Variants in TTL observed in about 807,000 individuals in gnomAD.
TTL encodes tubulin tyrosine ligase.
Under a neutral mutation model 41.1 loss-of-function variants are expected in TTL, and 10 were observed. The ratio of observed to expected loss-of-function variants is 0.24; its 90% CI spans 0.15 to 0.41. The LOEUF (loss-of-function observed/expected upper bound fraction) is 0.41. Among genes scored for constraint, TTL ranks in the 10% least tolerant of loss-of-function variants. TTL has a pLI of 1.00. For synonymous variants in TTL, 175 were observed against 175.5 expected (o/e 1.00, Z 0.02); for missense variants, 367 against 460.4 (o/e 0.80, Z 1.86).
At chr2:112,511,947 T>A (rs565551036) in intron 5 of TTL, among the ~76,000 whole-genome samples, 1 of 152,214 alleles carries the variant, frequency 6.6e-6, no homozygotes, top group African/African-American at 2.4e-5. Flanking sequence ...ATGGTATGTC[T>A]CCATGTTTGG....
intron 5 of TTL, among the ~76,000 whole-genome samples, chr2:112,510,028 G>GT (rs1681883798): frequency 2.0e-5 from 3 of 152,074 alleles, no homozygotes; most frequent in Admixed American, 2.0e-4. Context: ...GGTTTTATTG[G>GT]TTTTCTCTGT....
At chr2:112,526,272 G>A (rs2104478520) in intron 6 of TTL, among the ~76,000 whole-genome samples, 1 of 152,274 alleles carries the variant, frequency 6.6e-6, no homozygotes, top group East Asian at 1.9e-4. Context: ...TCTCTGCCAG[G>A]CTTTGGTGTC....
chr2:112,499,243 G>T (rs538667106), intron 3 of TTL, among the ~76,000 whole-genome samples: 25 of 150,996 alleles, frequency 1.7e-4, no homozygotes. Flanking sequence ...TGAACCAGGG[G>T]GCAGAGGTTG....
At chr2:112,486,405 C>T (rs1681240462) in intron 2 of TTL, among the ~76,000 whole-genome samples, 1 of 152,244 alleles carries the variant, frequency 6.6e-6, no homozygotes, top group Admixed American at 6.5e-5. Flanking sequence ...AGGACCAGGC[C>T]TCTATGCTCC....
Position 112,482,544 on chromosome 2 carries a change from C to G in TTL, c.157+43C>G. 1 of 1,536,738 alleles carries G rather than the reference C, an allele frequency of 6.5e-7. No homozygotes were observed. Among genetic ancestry groups the G allele is most frequent in the Non-Finnish European group, 8.8e-7 (1 of 1,138,900 alleles). On this transcript the variant is annotated intron_variant, in intron 1 of 6. Transcript: ENST00000233336. This position sits in a 1 kb window ranked among gnomAD's most constrained non-coding sequence, Gnocchi z 5.3. ...TCCCGTCTGCCCTCCTCGGAGCGGCCCTGCGCGCCTCCCGCGGCCCGTTAG... is the reference window on the plus strand; with the variant it reads ...TCCCGTCTGCCCTCCTCGGAGCGGCGCTGCGCGCCTCCCGCGGCCCGTTAG...
chr2:112,486,628 C>T, intron 2 of TTL, among the ~76,000 whole-genome samples: 1 of 152,320 alleles, frequency 6.6e-6, no homozygotes, highest in South Asian at 2.1e-4. Flanking sequence ...GGCTAGGTAT[C>T]ACAAAGTGGA....
At position 112,532,095 on chromosome 2, in the gene TTL, G is replaced by A. The variant is rs1574076820; in HGVS notation, c.*3300G>A. On this transcript the variant is annotated 3_prime_UTR_variant, in exon 7 of 7. Coordinates refer to ENST00000233336, the MANE Select transcript of TTL (RefSeq NM_153712.5). The stretch of plus-strand genomic sequence containing the variant: ...CTGTGGGATGATTGCCACATACATG[G>A]AACACCTGGGAGTGCTGGAAATGTA... 1.3e-5 allele frequency: 3 copies of A among 227,236 alleles called. No individual in the cohort carries two copies. In the East Asian group the frequency reaches 1.9e-4, roughly 14 times the overall value. 14.1% of individuals were successfully genotyped at this position (227,236 alleles called of 1,614,324 possible). A position where few individuals can be genotyped will look rare whatever the true frequency, so the allele number is the denominator to read the frequency against.
intron 5 of TTL, among the ~76,000 whole-genome samples, chr2:112,511,977 A>G (rs1260364384): frequency 1.4e-5 from 2 of 142,344 alleles, no homozygotes; most frequent in African/African-American, 5.4e-5. Context: ...CCATCCTTTT[A>G]TTTTCATTCT....
intron 5 of TTL, among the ~76,000 whole-genome samples, chr2:112,503,423 A>G (rs1053586253): frequency 1.4e-5 from 2 of 143,020 alleles, no homozygotes; most frequent in Admixed American, 7.0e-5. Context: ...ATATATATTT[A>G]TATATTTATT....
intron 6 of TTL, 191 bp downstream of exon 6, chr2:112,520,616 G>A (rs62157540): frequency 1.4e-3 from 378 of 261,600 alleles, no homozygotes; most frequent in African/African-American, 0.014. Context: ...CCGTGTATAG[G>A]CCAGATAGGC....
intron 3 of TTL, 43 bp from the exon 4 acceptor site, chr2:112,501,163 G>C (rs765707258): frequency 1.3e-6 from 2 of 1,573,424 alleles, no homozygotes; most frequent in East Asian, 4.6e-5. Flanking sequence ...GAGAGCTCTT[G>C]GTTTGAATTG....
chr2:112,522,770 C>G (rs1230937698), intron 6 of TTL, among the ~76,000 whole-genome samples: 2 of 152,158 alleles, frequency 1.3e-5, no homozygotes, highest in African/African-American at 4.8e-5. Context: ...TCTGCCTTCC[C>G]TTCCCCTCAA....
intron 3 of TTL, among the ~76,000 whole-genome samples, chr2:112,496,505 C>CA (rs1321223331): frequency 2.0e-5 from 3 of 152,162 alleles, no homozygotes; most frequent in Admixed American, 6.5e-5. Context: ...CTTCACCTCT[C>CA]ACCTGGAGCG....
At chr2:112,524,309 C>T (rs1454990224) in intron 6 of TTL, among the ~76,000 whole-genome samples, 3 of 152,164 alleles carry the variant, frequency 2.0e-5, no homozygotes, top group African/African-American at 4.8e-5. Context: ...GGTATATACC[C>T]AGTAATGGGA....
chr2:112,524,824 G>C (rs1350859026), intron 6 of TTL, among the ~76,000 whole-genome samples: 5 of 152,094 alleles, frequency 3.3e-5, no homozygotes, highest in African/African-American at 1.2e-4. Flanking sequence ...TTTTGCTTTT[G>C]TTGCCATTGC....
intron 2 of TTL, among the ~76,000 whole-genome samples, chr2:112,487,629 A>G (rs1681274784): frequency 6.6e-6 from 1 of 152,230 alleles, no homozygotes; most frequent in Admixed American, 6.5e-5. Context: ...AGCACCACTC[A>G]GAATCCCCGT....
At chr2:112,519,797 A>G (rs1682170375) in intron 5 of TTL, among the ~76,000 whole-genome samples, 2 of 152,166 alleles carry the variant, frequency 1.3e-5, no homozygotes, top group Admixed American at 1.3e-4. Flanking sequence ...ATGCTTGATA[A>G]GTAACATTCT....
intron 3 of TTL, among the ~76,000 whole-genome samples, chr2:112,497,695 C>T (rs1359164803): frequency 4.0e-5 from 6 of 151,546 alleles, no homozygotes; most frequent in Admixed American, 2.6e-4. Flanking sequence ...ACCAGATGGT[C>T]GAACAAGTGA....
chr2:112,527,093 C>T (rs1168985475), intron 6 of TTL, among the ~76,000 whole-genome samples: 4 of 152,160 alleles, frequency 2.6e-5, no homozygotes, highest in Admixed American at 1.3e-4. Context: ...TGTAGTTGAG[C>T]GGTTTTGAGT....
Sources: allele counts gnomAD v4.1 joint callset (sites outside exome capture counted in the v4.1 genomes callset), GRCh38; gene constraint gnomAD v4.1.1; non-coding constraint Gnocchi (gnomAD v3.1); transcripts MANE v1.5; gene names NCBI Gene and HGNC (gene_info 2026-07-23, HGNC 2026-07-21).